The following STARD13 variants were observed in gnomAD, a reference collection of about 807,000 sequenced individuals.
STARD13 encodes the protein StAR related lipid transfer domain containing 13.
Under a neutral mutation model 106.4 loss-of-function variants are expected in STARD13, and 62 were observed. That is an observed-to-expected ratio of 0.58 (90% CI 0.48 to 0.72). STARD13 has a LOEUF of 0.72. Among genes scored for constraint, STARD13 ranks in the 30% least tolerant of loss-of-function variants. STARD13 has a pLI of 0.00. For synonymous variants in STARD13, 565 were observed against 553.0 expected (o/e 1.02, Z -0.31); for missense variants, 1,387 against 1,424.0 (o/e 0.97, Z 0.42).
upstream of STARD13, among the ~76,000 whole-genome samples, chr13:33,288,898 A>C (rs545360072): frequency 4.6e-5 from 7 of 152,374 alleles, no homozygotes; most frequent in South Asian, 1.4e-3. Flanking sequence ...TTTATGCTAA[A>C]GTATTGCCAT....
the STARD13 span, among the ~76,000 whole-genome samples, chr13:33,566,183 A>G: frequency 6.7e-6 from 1 of 148,498 alleles, no homozygotes; most frequent in South Asian, 2.1e-4. Context: ...AAATATTTGG[A>G]GAGAGGCCAC....
the STARD13 span, among the ~76,000 whole-genome samples, chr13:33,600,545 A>G: frequency 0.016 from 2,362 of 152,336 alleles, 20 homozygotes; most frequent in Middle Eastern, 0.044. Context: ...ACATAGAAAG[A>G]AAGCAAATGG....
chr13:33,664,041 T>C, the STARD13 span, among the ~76,000 whole-genome samples: 1 of 152,212 alleles, frequency 6.6e-6, no homozygotes, highest in Non-Finnish European at 1.5e-5. Context: ...AGCTGGGTTG[T>C]ACTAACAGGA....
chr13:33,419,918 TC>T, the STARD13 span, among the ~76,000 whole-genome samples: 1 of 152,262 alleles, frequency 6.6e-6, no homozygotes, highest in African/African-American at 2.4e-5. Flanking sequence ...AGAGATTTTG[TC>T]CCCACCAGGC....
At chr13:33,484,373 CCTAT>C in the STARD13 span, among the ~76,000 whole-genome samples, 1 of 152,156 alleles carries the variant, frequency 6.6e-6, no homozygotes, top group African/African-American at 2.4e-5. Flanking sequence ...CCCAATTACT[CCTAT>C]GAATAACATG....
intron 1 of STARD13, among the ~76,000 whole-genome samples, chr13:33,233,206 A>G (rs1363247842): frequency 6.6e-6 from 1 of 152,184 alleles, no homozygotes; most frequent in African/African-American, 2.4e-5. Flanking sequence ...TTGGACTGAG[A>G]GCTTGTCTTC....
At chr13:33,112,640 C>T in intron 9 of STARD13, 81 bp downstream of exon 9, 6 of 1,023,878 alleles carry the variant, frequency 5.9e-6, no homozygotes, top group African/African-American at 1.6e-5. Flanking sequence ...TCTATCTATC[C>T]ATCCATCCAT....
intron 1 of STARD13, among the ~76,000 whole-genome samples, chr13:33,227,174 C>T (rs1228025538): frequency 6.6e-6 from 1 of 152,246 alleles, no homozygotes; most frequent in Non-Finnish European, 1.5e-5. Flanking sequence ...GCTCAGCCCT[C>T]TGATGTGAAG....
intron 1 of STARD13, among the ~76,000 whole-genome samples, chr13:33,332,934 C>T (rs1297059420): frequency 2.0e-5 from 3 of 151,956 alleles, no homozygotes; most frequent in African/African-American, 7.3e-5. Context: ...TGAATGAGAA[C>T]CTTGCAATCT....
At chr13:33,114,179 C>G (rs1330233762) in intron 8 of STARD13, among the ~76,000 whole-genome samples, 1 of 152,182 alleles carries the variant, frequency 6.6e-6, no homozygotes, top group Non-Finnish European at 1.5e-5. Flanking sequence ...CATAAATACA[C>G]ATTCAGATAT....
chr13:33,425,102 CTG>C, the STARD13 span, among the ~76,000 whole-genome samples: 1 of 152,206 alleles, frequency 6.6e-6, no homozygotes, highest in African/African-American at 2.4e-5. Flanking sequence ...TGAACAAAAA[CTG>C]TAGCCTCACT....
At chr13:33,623,353 AG>A in the STARD13 span, among the ~76,000 whole-genome samples, 1 of 150,760 alleles carries the variant, frequency 6.6e-6, no homozygotes, top group South Asian at 2.1e-4. Flanking sequence ...TCAACTTTGA[AG>A]TGGGTGAAAT....
the STARD13 span, among the ~76,000 whole-genome samples, chr13:33,564,786 G>T: frequency 6.8e-6 from 1 of 146,624 alleles, no homozygotes; most frequent in African/African-American, 2.5e-5. Context: ...GAGGTCAGGA[G>T]ATCGAGACCA....
chr13:33,394,796 G>C, the STARD13 span, among the ~76,000 whole-genome samples: 1 of 152,180 alleles, frequency 6.6e-6, no homozygotes, highest in Admixed American at 6.5e-5. Context: ...ACACAACAAC[G>C]CTGGCCAGAG....
the STARD13 span, among the ~76,000 whole-genome samples, chr13:33,419,044 A>G: frequency 6.6e-6 from 1 of 152,220 alleles, no homozygotes; most frequent in East Asian, 1.9e-4. Flanking sequence ...TCTGAAAACC[A>G]GAGTGCATCT....
chr13:33,599,154 C>G, the STARD13 span, among the ~76,000 whole-genome samples: 1 of 152,166 alleles, frequency 6.6e-6, no homozygotes, highest in Non-Finnish European at 1.5e-5. Flanking sequence ...CTAACCCAAA[C>G]CAAGTTTATT....
the STARD13 span, among the ~76,000 whole-genome samples, chr13:33,586,712 T>G: frequency 6.6e-6 from 1 of 151,568 alleles, no homozygotes; most frequent in African/African-American, 2.4e-5. Flanking sequence ...ACCAAAGTCT[T>G]GCAACACACT....
intron 1 of STARD13, among the ~76,000 whole-genome samples, chr13:33,342,533 G>GTTT (rs1317679388): frequency 1.4e-5 from 2 of 138,772 alleles, no homozygotes; most frequent in Non-Finnish European, 1.6e-5. Flanking sequence ...TTTATAGTTT[G>GTTT]TTTTTTTTTT....
intron 1 of STARD13, among the ~76,000 whole-genome samples, chr13:33,186,766 A>G (rs116568606): frequency 0.012 from 1,857 of 152,108 alleles, 38 homozygotes; most frequent in African/African-American, 0.042. Flanking sequence ...CAAAATAGCA[A>G]AACAAAATGA....
Sources: allele counts gnomAD v4.1 joint callset (sites outside exome capture counted in the v4.1 genomes callset), GRCh38; gene constraint gnomAD v4.1.1; transcripts MANE v1.5; gene names NCBI Gene and HGNC (gene_info 2026-07-23, HGNC 2026-07-21).